KRT12: variants seen among roughly 807,000 people sequenced by gnomAD.
The protein encoded by KRT12 is keratin 12.
KRT12 carries 43 observed loss-of-function variants against 50.2 expected under a neutral mutation model. The ratio of observed to expected loss-of-function variants is 0.86; its 90% CI spans 0.67 to 1.11. The LOEUF is 1.11. KRT12 is among the 50% of genes least tolerant of loss of function. The pLI is 0.00. For missense variants in KRT12, 588 were observed against 625.6 expected, an observed-to-expected ratio of 0.94 and a Z score of 0.64; for synonymous variants, 257 against 253.6, an observed-to-expected ratio of 1.01 and a Z score of -0.13.
chr17:40,862,538 C>T (rs757812797), intron 7 of KRT12, 27 bp downstream of exon 7: 1 of 1,526,502 alleles, frequency 6.6e-7, no homozygotes. Flanking sequence ...CCGACTTATT[C>T]TAAGTGATTC....
rs1906870752 is a variant in KRT12 at position 40,863,238 on chromosome 17, C to G, written c.1201G>C (p.Val401Leu). ...ISNLEAQLLQ[V>L]RADAERQNVD... The stretch of plus-strand genomic sequence containing the variant: ...TTCTGGCGCTCTGCGTCCGCGCGCA[C>G]CTGGAGCAGCTGTGCCTCCAGGTTG... Residue 401 changes from valine (V) to leucine (L), a missense_variant, in exon 6 of 8, where the codon GTG becomes CTG. Coordinates refer to ENST00000251643, the MANE Select transcript of KRT12 (RefSeq NM_000223.4). This position sits in a 1 kb window ranked among gnomAD's most constrained non-coding sequence, Gnocchi z 4.2. 6.2e-7 allele frequency: 1 copy of G among 1,613,972 alleles called. No homozygotes were observed.
chr17:40,863,448 T>G lies in KRT12; in HGVS notation c.1095+37A>C. ...TTGGATGCAGCATTTTCTTTGGAAGTCCAAAGGATGCTACGTCTGTTTGCG... is the reference window on the plus strand; with the variant it reads ...TTGGATGCAGCATTTTCTTTGGAAGGCCAAAGGATGCTACGTCTGTTTGCG... On this transcript the variant is annotated intron_variant, in intron 5 of 7. Coordinates refer to ENST00000251643, the MANE Select transcript of KRT12 (RefSeq NM_000223.4). This position sits in a 1 kb window ranked among gnomAD's most constrained non-coding sequence, Gnocchi z 4.2. 6.2e-7 allele frequency: 1 copy of G among 1,614,226 alleles called. No individual in the cohort carries two copies. The highest frequency in any genetic ancestry group is 8.5e-7 in the Non-Finnish European group (1 of 1,180,030).
In KRT12 at chr17:40,861,669, G is replaced by A; in HGVS notation, c.1477C>T (p.Leu493=). ...GCAGATCTTGTGAAATTTTACATTAGTTCTTCAATTTCCTGAACTTGAGAT... is the reference window on the plus strand; with the variant it reads ...GCAGATCTTGTGAAATTTTACATTAATTCTTCAATTTCCTGAACTTGAGAT... ...VSSQVQEIEE[L]M is the part of the protein sequence containing the mutation. Residue 493 remains leucine (L), a synonymous_variant, in exon 8 of 8, where the codon CTA becomes TTA. Transcript: ENST00000251643. The A allele has an allele frequency of 2.5e-6, 4 of 1,599,338 alleles. No individual in the cohort carries two copies. The highest frequency in any genetic ancestry group is 3.4e-6 in the Non-Finnish European group (4 of 1,166,574).
Position 40,861,886 on chromosome 17 carries a change from G to T in KRT12, c.1388-128C>A. The T allele has an allele frequency of 5.6e-6, 4 of 710,006 alleles. No homozygotes were observed. The South Asian group carries it at 6.5e-5, about 11-fold the overall frequency. The allele number at this position is 710,006 out of a possible 1,614,324, so 44.0% of individuals were successfully genotyped here. ...AATCCATCTAATTAAACTTTCAAAAGTAAATTTTACTTCTCAAAAATGTGT... is the reference window on the plus strand; with the variant it reads ...AATCCATCTAATTAAACTTTCAAAATTAAATTTTACTTCTCAAAAATGTGT... On this transcript the variant is annotated intron_variant, in intron 7 of 7. Transcript: ENST00000251643.
rs1289055689 is a variant in KRT12 at position 40,867,084 on chromosome 17, C to G, written c.103G>C (p.Ala35Pro). 6 of 1,613,552 alleles carry G rather than the reference C, an allele frequency of 3.7e-6. No individual in the cohort carries two copies. The highest frequency in any genetic ancestry group is 2.2e-5 in the East Asian group (1 of 44,876). Residue 35 changes from alanine to proline, a missense_variant, in exon 1 of 8, where the codon GCT (alanine) becomes CCT (proline). Transcript: ENST00000251643. ...CCATAACCACTTCCAACACTGGAAG[C>G]AGACATGCCCCTGGGTCTGCCTATC... ...SVIGRPRGMS[A>P]SSVGSGYGGS...
Position 40,866,722 on chromosome 17 carries a change from A to T in KRT12, c.465T>A (p.Asn155Lys). 6.2e-7 allele frequency: 1 copy of T among 1,614,130 alleles called. No homozygotes were observed. The highest frequency in any genetic ancestry group is 8.5e-7 in the Non-Finnish European group (1 of 1,180,024). The change falls in exon 1 of 8, where the codon AAT (asparagine) becomes AAA (lysine). Residue 155 changes from asparagine (N) to lysine (K), a missense_variant. Coordinates refer to ENST00000251643, the MANE Select transcript of KRT12 (RefSeq NM_000223.4). ...GTGTTTCATACCATTCTCGAATTTT[A>T]TTTTCTAGCTCAGTATTAGCCTCTT... ...ALEEANTELE[N>K]KIREWYETRG...
At chr17:40,862,681 G>A (rs763126429) in intron 6 of KRT12, 46 bp from the exon 7 acceptor site, 1 of 1,332,402 alleles carries the variant, frequency 7.5e-7, no homozygotes, top group Admixed American at 1.7e-5. Context: ...AAACAACCTG[G>A]CTTTTAATGG....
At chr17:40,862,323 T>A (rs1280250809) in intron 7 of KRT12, among the ~76,000 whole-genome samples, 1 of 152,110 alleles carries the variant, frequency 6.6e-6, no homozygotes, top group African/African-American at 2.4e-5. Context: ...TCCTCCCACC[T>A]CAGGTTCCCG....
Position 40,863,499 on chromosome 17 carries a change from A to G in KRT12, c.1081T>C (p.Ser361Pro). ...CACGAGCCTACCATGGCGAGCTGGG[A>G]CTGTAGCTCGATCTCCAGGTTCTGA... ...AFQNLEIELQ[S>P]QLAMKKSLED... The change falls in exon 5 of 8, where the codon TCC becomes CCC. Residue 361 changes from serine to proline, a missense_variant. Coordinates refer to ENST00000251643, the MANE Select transcript of KRT12 (RefSeq NM_000223.4). The surrounding 1 kb of genome is among the most constrained non-coding windows in gnomAD (Gnocchi z 4.2). 5 of 1,614,176 alleles carry G rather than the reference A, an allele frequency of 3.1e-6. No individual in the cohort carries two copies. Among genetic ancestry groups the G allele is most frequent in the Non-Finnish European group, 4.2e-6 (5 of 1,180,026 alleles).
chr17:40,863,572 C>T lies in KRT12; in HGVS notation c.1008G>A (p.Glu336=). 2 of 1,614,252 alleles carry T rather than the reference C, an allele frequency of 1.2e-6. No individual in the cohort carries two copies. Among genetic ancestry groups the T allele is most frequent in the Non-Finnish European group, 1.7e-6 (2 of 1,180,048 alleles). Residue 336 remains glutamate, a synonymous_variant, in exon 5 of 8, where the codon GAG becomes GAA. Transcript: ENST00000251643. This position sits in a 1 kb window ranked among gnomAD's most constrained non-coding sequence, Gnocchi z 4.2. ...CCTCGCTCTTGCTGGACTGAAGCTG[C>T]TCGGTGTTGGTGCTAATCTCCTTAC... ...ELRKEISTNT[E]QLQSSKSEVT...
intron 1 of KRT12, 73 bp from the exon 2 acceptor site, chr17:40,866,310 C>T (rs1390842687): frequency 4.9e-6 from 6 of 1,226,070 alleles, no homozygotes; most frequent in Non-Finnish European, 7.1e-6. Flanking sequence ...ATTTTTGACA[C>T]AAAGGTGAAA....
rs761573946 is a variant in KRT12, at chr17:40,863,663, C to G, written c.969+40G>C. 4 of 1,614,204 alleles carry G rather than the reference C, an allele frequency of 2.5e-6. No homozygotes were observed. Among genetic ancestry groups the G allele is most frequent in the Non-Finnish European group, 3.4e-6 (4 of 1,180,046 alleles). ...TCGAGCGCTGAGCTCGTTCGCAGGC[C>G]TTTCTGTGAATGTATCAAAGCCTTT... On this transcript the variant is annotated intron_variant, in intron 4 of 7. Transcript: ENST00000251643. This position sits in a 1 kb window ranked among gnomAD's most constrained non-coding sequence, Gnocchi z 4.2.
chr17:40,866,081 T>C, intron 2 of KRT12, 74 bp downstream of exon 2: 2 of 1,136,614 alleles, frequency 1.8e-6, no homozygotes, highest in South Asian at 1.2e-5. Context: ...GAAGATTTTA[T>C]ATCAATGAAG....
intron 3 of KRT12, among the ~76,000 whole-genome samples, chr17:40,864,289 G>A (rs1906926317): frequency 6.6e-6 from 1 of 152,052 alleles, no homozygotes; most frequent in Non-Finnish European, 1.5e-5. Context: ...ACCTGGGCTT[G>A]CACGCTGTTT....
Position 40,864,847 on chromosome 17 carries a change from G to A in KRT12, c.766C>T (p.Leu256=), listed in dbSNP as rs777275797. ...TTCATGTAGGCCAGCTCCTCGTTCA[G>A]GCTCTCGATCTGCATCTCCAGGTCG... is the stretch of plus-strand genomic sequence containing the variant. The part of the protein sequence containing the change: ...RTDLEMQIES[L]NEELAYMKKN... The change falls in exon 3 of 8, where the codon CTG becomes TTG. Residue 256 remains leucine (L), a synonymous_variant. Transcript: ENST00000251643. The A allele has an allele frequency of 6.2e-7, 1 of 1,614,198 alleles. No homozygotes were observed. The highest frequency in any genetic ancestry group is 8.5e-7 in the Non-Finnish European group (1 of 1,180,032).
rs1906796941 is a variant in KRT12, at chr17:40,861,384, G to T, written c.*277C>A. ...GCTCTATGATTAAAAAATATTCCGG[G>T]TTACCAGAAGAAAGTTCGTTAAAAG... On this transcript the variant is annotated 3_prime_UTR_variant, in exon 8 of 8. Transcript: ENST00000251643. 1 of 465,842 alleles carries T rather than the reference G, an allele frequency of 2.1e-6. No individual in the cohort carries two copies. Among genetic ancestry groups the T allele is most frequent in the Non-Finnish European group, 3.9e-6 (1 of 259,602 alleles). 28.9% of individuals were successfully genotyped at this position (465,842 alleles called of 1,614,324 possible).
chr17:40,865,074 G>T, intron 2 of KRT12, 112 bp from the exon 3 acceptor site: 2 of 1,126,032 alleles, frequency 1.8e-6, no homozygotes, highest in Non-Finnish European at 2.7e-6. Flanking sequence ...AATAATGGCA[G>T]CATTGTAGTG....
Position 40,863,539 on chromosome 17 carries a change from G to A in KRT12, c.1041C>T (p.Asp347=). Residue 347 remains aspartate (D), a synonymous_variant, in exon 5 of 8, where the codon GAC becomes GAT. Coordinates refer to ENST00000251643, the MANE Select transcript of KRT12 (RefSeq NM_000223.4). The surrounding 1 kb of genome is among the most constrained non-coding windows in gnomAD (Gnocchi z 4.2). ...CCAGGTTCTGAAAGGCGCGACGCAG[G>A]TCGGTGACCTCGCTCTTGCTGGACT... ...QLQSSKSEVT[D]LRRAFQNLEI... 1 of 1,614,272 alleles carries A rather than the reference G, an allele frequency of 6.2e-7. No individual in the cohort carries two copies. Among genetic ancestry groups the A allele is most frequent in the Non-Finnish European group, 8.5e-7 (1 of 1,180,052 alleles).
intron 2 of KRT12, among the ~76,000 whole-genome samples, chr17:40,865,784 C>T (rs760016554): frequency 2.6e-5 from 4 of 151,936 alleles, no homozygotes; most frequent in African/African-American, 4.8e-5. Context: ...GCCGAGATCG[C>T]GTCACTGCAC....
Sources: gnomAD v4.1 joint callset for allele counts (sites outside exome capture counted in the v4.1 genomes callset) on GRCh38, gnomAD v4.1.1 for gene constraint, Gnocchi (gnomAD v3.1) non-coding constraint, MANE v1.5 for transcripts, NCBI Gene and HGNC (gene_info 2026-07-23, HGNC 2026-07-21) for gene names.